Variants in MARCHF5 observed in about 807,000 individuals in gnomAD.
MARCHF5 encodes membrane associated ring-CH-type finger 5.
In MARCHF5, 5 loss-of-function variants were observed where a neutral mutation model predicts 36.5. The ratio of observed to expected loss-of-function variants is 0.14; its 90% CI spans 0.07 to 0.29. MARCHF5 has a LOEUF of 0.29. Among genes scored for constraint, MARCHF5 ranks in the 10% least tolerant of loss-of-function variants. MARCHF5 has a pLI of 1.00. For missense variants in MARCHF5, 179 were observed against 336.3 expected (o/e 0.53, Z 3.66); for synonymous variants, 103 against 109.9 (o/e 0.94, Z 0.39).
intron 2 of MARCHF5, among the ~76,000 whole-genome samples, chr10:92,322,631 T>C (rs1365016445): frequency 2.0e-5 from 3 of 150,018 alleles, no homozygotes; most frequent in Non-Finnish European, 4.4e-5. Flanking sequence ...TTTTTTTTTA[T>C]AGTGACAGGG....
intron 1 of MARCHF5, among the ~76,000 whole-genome samples, chr10:92,306,311 T>C (rs1443898922): frequency 3.3e-5 from 5 of 152,200 alleles, no homozygotes; most frequent in Non-Finnish European, 7.3e-5. Context: ...ACCAGCTTTA[T>C]GGACCCAGCC....
In MARCHF5 at chr10:92,291,486, C is replaced by T. The variant is rs1165156871; in HGVS notation, c.-9C>T. 2 of 1,548,276 alleles carry T rather than the reference C, an allele frequency of 1.3e-6. No individual in the cohort carries two copies. Among genetic ancestry groups the T allele is most frequent in the South Asian group, 1.2e-5 (1 of 84,018 alleles). ...CTGGGGAAGGCCGTGTGCGCCGGCT[C>T]CGCGGAAGATGCCGGACCAAGCCCT... On this transcript the variant is annotated 5_prime_UTR_variant, in exon 1 of 6. Transcript: ENST00000358935.
At chr10:92,307,514 C>G (rs1366981136) in intron 1 of MARCHF5, among the ~76,000 whole-genome samples, 3 of 152,002 alleles carry the variant, frequency 2.0e-5, no homozygotes, top group African/African-American at 7.3e-5. Flanking sequence ...TTGCTTGAGC[C>G]CAGGAGTTTG....
At position 92,345,714 on chromosome 10, in the gene MARCHF5, GAC is replaced by G. The variant is rs1843635026; in HGVS notation, c.370-3633_370-3632del. ...TTTTTTTTCTTTTTTTTTTTTTTGAGACAGAGTCTCATTCTGTTACCCAGGCT... is the reference window on the plus strand; with the variant it reads ...TTTTTTTTCTTTTTTTTTTTTTTGAGAGAGTCTCATTCTGTTACCCAGGCT... On this transcript the variant is annotated intron_variant, in intron 3 of 5. Transcript: ENST00000358935. Among the ~76,000 whole-genome samples the G allele has an allele frequency of 5.6e-5, 6 of 107,612 alleles. No homozygotes were observed. The South Asian group carries it at 2.0e-3, about 36-fold the overall frequency. The allele number at this position is 107,612 out of a possible 152,430, so 70.6% of individuals were successfully genotyped here.
intron 1 of MARCHF5, among the ~76,000 whole-genome samples, chr10:92,302,059 CA>C (rs1008874342): frequency 4.8e-5 from 7 of 146,572 alleles, no homozygotes; most frequent in Non-Finnish European, 3.0e-5. Context: ...GACTCTGTCT[CA>C]AAAAAAAAAT....
At chr10:92,310,126 T>C (rs1280875784) in intron 1 of MARCHF5, among the ~76,000 whole-genome samples, 1 of 152,222 alleles carries the variant, frequency 6.6e-6, no homozygotes, top group African/African-American at 2.4e-5. Context: ...CTCACCCATC[T>C]ATAATACCTG....
At chr10:92,294,178 G>A (rs932542821) in intron 1 of MARCHF5, among the ~76,000 whole-genome samples, 2 of 152,178 alleles carry the variant, frequency 1.3e-5, no homozygotes, top group East Asian at 1.9e-4. Flanking sequence ...CATGATAAGA[G>A]ATAGTAGGGT....
intron 2 of MARCHF5, among the ~76,000 whole-genome samples, chr10:92,321,971 G>A (rs529077286): frequency 9.2e-5 from 14 of 151,856 alleles, no homozygotes; most frequent in Non-Finnish European, 1.5e-4. Flanking sequence ...TTGGCCAGGC[G>A]TGGTGGCTCA....
At chr10:92,293,816 T>A (rs751320698) in intron 1 of MARCHF5, among the ~76,000 whole-genome samples, 1 of 152,078 alleles carries the variant, frequency 6.6e-6, no homozygotes, top group African/African-American at 2.4e-5. Context: ...TAAAACTTAT[T>A]AACAGAAATG....
chr10:92,319,585 C>T (rs977864682), intron 2 of MARCHF5, among the ~76,000 whole-genome samples: 31 of 151,674 alleles, frequency 2.0e-4, no homozygotes, highest in South Asian at 4.2e-4. Context: ...TGAGCCACCG[C>T]GCCCGGCCTC....
intron 2 of MARCHF5, among the ~76,000 whole-genome samples, chr10:92,340,174 G>A (rs181904972): frequency 9.2e-5 from 14 of 152,152 alleles, no homozygotes; most frequent in Admixed American, 9.2e-4. Flanking sequence ...ACTCTACCGT[G>A]GCCAGTATGA....
At chr10:92,326,058 A>G (rs149693008) in intron 2 of MARCHF5, among the ~76,000 whole-genome samples, 33 of 152,316 alleles carry the variant, frequency 2.2e-4, no homozygotes, top group African/African-American at 7.7e-4. Flanking sequence ...ACCATCCTCA[A>G]AAAGTGGTTG....
At chr10:92,330,183 G>A (rs899536891) in intron 2 of MARCHF5, among the ~76,000 whole-genome samples, 1 of 152,108 alleles carries the variant, frequency 6.6e-6, no homozygotes, top group African/African-American at 2.4e-5. Flanking sequence ...TTACCTTCTT[G>A]TGAGGCAAAT....
intron 1 of MARCHF5, among the ~76,000 whole-genome samples, chr10:92,310,146 T>G (rs1843126560): frequency 6.6e-6 from 1 of 152,190 alleles, no homozygotes; most frequent in Non-Finnish European, 1.5e-5. Flanking sequence ...GAGTATATAG[T>G]CTTTCCCACT....
rs1843140875 is a variant in MARCHF5 at position 92,311,245 on chromosome 10, G to A, written c.146G>A (p.Arg49His). 2.5e-6 allele frequency: 4 copies of A among 1,614,006 alleles called. No homozygotes were observed. Among genetic ancestry groups the A allele is most frequent in the Non-Finnish European group, 3.4e-6 (4 of 1,179,914 alleles). ...TGGGTTCACCAGGCCTGTCTACAAC[G>A]CTGGGTGGATGAAAAGCAAAGAGGA... ...TKWVHQACLQ[R>H]WVDEKQRGNS... The change falls in exon 2 of 6, where the codon CGC becomes CAC. Residue 49 changes from arginine (R) to histidine (H), a missense_variant. Arg to His is a conservative substitution (Grantham distance 29). Coordinates refer to ENST00000358935, the MANE Select transcript of MARCHF5 (RefSeq NM_017824.5).
intron 2 of MARCHF5, among the ~76,000 whole-genome samples, chr10:92,313,552 C>T (rs553092103): frequency 5.0e-4 from 76 of 151,774 alleles, no homozygotes; most frequent in Middle Eastern, 3.4e-3. Context: ...TTGCAGTGAG[C>T]CAAGATAGCG....
chr10:92,350,063 G>A, intron 5 of MARCHF5: 1 of 477,630 alleles, frequency 2.1e-6, no homozygotes, highest in Non-Finnish European at 3.7e-6. Flanking sequence ...TTCTCTCCTG[G>A]CATATGCATG....
At chr10:92,302,290 CTT>C (rs1474408857) in intron 1 of MARCHF5, among the ~76,000 whole-genome samples, 1 of 152,046 alleles carries the variant, frequency 6.6e-6, no homozygotes, top group East Asian at 1.9e-4. Flanking sequence ...GGTTATATGT[CTT>C]TGATAGATCC....
Position 92,291,489 on chromosome 10 carries a change from C to T in MARCHF5, c.-6C>T, listed in dbSNP as rs760883387. ...GGGAAGGCCGTGTGCGCCGGCTCCG[C>T]GGAAGATGCCGGACCAAGCCCTACA... On this transcript the variant is annotated 5_prime_UTR_variant, in exon 1 of 6. Transcript: ENST00000358935. The T allele has an allele frequency of 1.7e-5, 26 of 1,548,232 alleles. No individual in the cohort carries two copies. The Admixed American group carries it at 4.3e-4, about 26-fold the overall frequency.
Sources: gnomAD v4.1 joint callset for allele counts (sites outside exome capture counted in the v4.1 genomes callset) on GRCh38, gnomAD v4.1.1 for gene constraint, MANE v1.5 for transcripts, NCBI Gene and HGNC (gene_info 2026-07-23, HGNC 2026-07-21) for gene names.